CCT4: variants seen among roughly 807,000 people sequenced by gnomAD.
The protein encoded by CCT4 is T-complex protein 1 subunit delta.
A neutral mutation model predicts 62.5 loss-of-function variants in CCT4; 17 were observed. The observed-to-expected ratio is 0.27, with a 90% CI of 0.19 to 0.41. The LOEUF (loss-of-function observed/expected upper bound fraction) is 0.41, where lower values mean the gene tolerates loss of function less well. Ranked by LOEUF, CCT4 falls within the 10% of genes least tolerant of loss-of-function variation. The pLI, the probability that CCT4 is intolerant of heterozygous loss-of-function variation, is 1.00. For missense variants in CCT4, 592 were observed against 659.2 expected, an observed-to-expected ratio of 0.90 and a Z score of 1.12; for synonymous variants, 250 against 229.9, an observed-to-expected ratio of 1.09 and a Z score of -0.79.
chr2:61,869,629 A>G (rs1487546496), intron 12 of CCT4, 76 bp from the exon 13 acceptor site: 6 of 771,700 alleles, frequency 7.8e-6, no homozygotes, highest in Non-Finnish European at 1.4e-5. Context: ...TTACCAGTGT[A>G]CCTCAAGACC....
rs773177932 is a variant in CCT4 at position 61,873,279 on chromosome 2, T to C, written c.932A>G (p.Asp311Gly). The change falls in exon 9 of 14, where the codon GAT becomes GGT. Residue 311 changes from aspartate (D) to glycine (G), a missense_variant. Around this residue, in one of 3 missense-constraint regions of CCT4, gnomAD observed 522 missense variants for 571.2 expected, o/e 0.91. Coordinates refer to ENST00000394440, the MANE Select transcript of CCT4 (RefSeq NM_006430.4). Reference sequence around the variant, plus strand: ...TTTATTCAGAAAGTGTAATGCAAGATCACTAAGAGCATCTCTAAAATACAA... The same window carrying C: ...TTTATTCAGAAAGTGTAATGCAAGACCACTAAGAGCATCTCTAAAATACAA... ...QKSILRDALS[D>G]LALHFLNKMK... 2 of 1,546,742 alleles carry C rather than the reference T, an allele frequency of 1.3e-6. No individual in the cohort carries two copies. Among genetic ancestry groups the C allele is most frequent in the Non-Finnish European group, 1.8e-6 (2 of 1,120,098 alleles).
chr2:61,869,143 GAAAA>G (rs33947847), intron 13 of CCT4, among the ~76,000 whole-genome samples: 42 of 70,712 alleles, frequency 5.9e-4, no homozygotes, highest in African/African-American at 2.2e-3. Context: ...CTTCGTCTCA[GAAAA>G]AAAAAAAAAA....
Position 61,886,455 on chromosome 2 carries a change from A to T in CCT4, c.128-1383T>A, listed in dbSNP as rs188956554. ...ACCTAACAAACCAAACAAAAACCAA[A>T]ACTCTCAAATCATAGCTTTTGGTCA... is the stretch of plus-strand genomic sequence containing the variant. On this transcript the variant is annotated intron_variant, in intron 1 of 13. Transcript: ENST00000394440. Among the ~76,000 whole-genome samples, 785 of 152,142 alleles carry T rather than the reference A, an allele frequency of 5.2e-3. 2 individuals are homozygous for T. The highest frequency in any genetic ancestry group is 6.9e-3 in the Non-Finnish European group (471 of 67,970).
rs115173748 is a variant in CCT4 at position 61,871,410 on chromosome 2, T to C, written c.1491+672A>G. 7.9e-3 allele frequency among the ~76,000 whole-genome samples: 1,199 copies of C among 152,240 alleles called. 11 individuals carry two copies. The highest frequency in any genetic ancestry group is 0.027 in the African/African-American group (1,125 of 41,536). ...TACCACTAATATATAATCCCAGCTCTACACAGGTGAAGAACTGCTTGGTCC... is the reference window on the plus strand; with the variant it reads ...TACCACTAATATATAATCCCAGCTCCACACAGGTGAAGAACTGCTTGGTCC... On this transcript the variant is annotated intron_variant, in intron 12 of 13. Coordinates refer to ENST00000394440, the MANE Select transcript of CCT4 (RefSeq NM_006430.4).
chr2:61,888,487 G>A lies in CCT4; in HGVS notation c.21C>T (p.Pro7=). MPENVA[P]RSGATAGAAG... ...CAGCCCCGGCAGTCGCCCCGCTCCG[G>A]GGTGCCACATTCTCGGGCATGGCAA... Residue 7 remains proline, a synonymous_variant, in exon 1 of 14, where the codon CCC becomes CCT. Transcript: ENST00000394440. 6.2e-7 allele frequency: 1 copy of A among 1,612,138 alleles called. No individual in the cohort carries two copies. Among genetic ancestry groups the A allele is most frequent in the Non-Finnish European group, 8.5e-7 (1 of 1,179,334 alleles).
intron 5 of CCT4, 27 bp downstream of exon 5, chr2:61,878,842 A>G: frequency 1.3e-6 from 2 of 1,556,350 alleles, no homozygotes; most frequent in Non-Finnish European, 1.8e-6. Flanking sequence ...AACTAATTTG[A>G]CAAGTATCCG....
At position 61,872,083 on chromosome 2, in the gene CCT4, T is replaced by G; in HGVS notation, c.1490A>C (p.Lys497Thr). 6.3e-7 allele frequency: 1 copy of G among 1,592,666 alleles called. No individual in the cohort carries two copies. The highest frequency in any genetic ancestry group is 1.3e-5 in the African/African-American group (1 of 74,606). Residue 497 changes from lysine to threonine, a missense_variant and splice_region_variant, in exon 12 of 14, where the codon AAG (lysine) becomes ACG (threonine). By Grantham distance (78) the Lys-to-Thr change is moderately conservative (BLOSUM62 -1). This residue lies in a region of CCT4 where 522 missense variants were observed against 571.2 expected (regional missense o/e 0.91). Transcript: ENST00000394440. ...GEKTAGINVR[K>T]GGISNILEEL... ...CTACATTAGAGATTAAATGATTACC[T>G]TTCGGACATTAATGCCTGCAGTTTT...
chr2:61,888,598 G>T lies in CCT4; in HGVS notation c.-91C>A. On this transcript the variant is annotated 5_prime_UTR_variant, in exon 1 of 14. Transcript: ENST00000394440. ...AGTGTAATAACGGTAAGCCCTCACT[G>T]CCTTCACGAACCTTCCAGAAAGCGG... is the stretch of plus-strand genomic sequence containing the variant. 3 of 1,446,676 alleles carry T rather than the reference G, an allele frequency of 2.1e-6. No individual in the cohort carries two copies. Among genetic ancestry groups the T allele is most frequent in the Non-Finnish European group, 2.8e-6 (3 of 1,079,330 alleles). 89.6% of individuals were successfully genotyped at this position (1,446,676 alleles called of 1,614,324 possible).
chr2:61,886,531 C>T (rs1304220081), intron 1 of CCT4, among the ~76,000 whole-genome samples: 1 of 152,176 alleles, frequency 6.6e-6, no homozygotes, highest in Admixed American at 6.5e-5. Flanking sequence ...TGGCTCACGC[C>T]TGTAATCCCA....
At chr2:61,879,387 G>T (rs891213694) in intron 4 of CCT4, among the ~76,000 whole-genome samples, 10 of 144,550 alleles carry the variant, frequency 6.9e-5, no homozygotes, top group African/African-American at 1.0e-4. Flanking sequence ...TCAGCCTCCT[G>T]AGTAGCTGGG....
intron 4 of CCT4, among the ~76,000 whole-genome samples, chr2:61,879,408 C>T (rs1669065831): frequency 6.7e-6 from 1 of 150,226 alleles, no homozygotes; most frequent in Non-Finnish European, 1.5e-5. Flanking sequence ...ACTACAGACA[C>T]ACGCCACCAC....
chr2:61,883,771 T>TAGAC (rs55889535), intron 2 of CCT4, among the ~76,000 whole-genome samples: 18,601 of 107,386 alleles, frequency 0.17, 1,336 homozygotes, highest in Non-Finnish European at 0.24. Context: ...TGAAGAAATG[T>TAGAC]AGACACACAC....
Position 61,872,602 on chromosome 2 carries a change from A to T in CCT4, c.1126-14T>A. ...ACAGCCTGTAATCTTCAGTAAACAA[A>T]TTCCAAATTAAGTATTTGAAGGGTC... On this transcript the variant is annotated splice_polypyrimidine_tract_variant and intron_variant, in intron 10 of 13. Transcript: ENST00000394440. 6.2e-7 allele frequency: 1 copy of T among 1,613,234 alleles called. No homozygotes were observed. The highest frequency in any genetic ancestry group is 8.5e-7 in the Non-Finnish European group (1 of 1,179,764).
At position 61,884,364 on chromosome 2, in the gene CCT4, C is replaced by T. The variant is rs13432232; in HGVS notation, c.180+656G>A. On this transcript the variant is annotated intron_variant, in intron 2 of 13. Transcript: ENST00000394440. ...CATTGCCCAGGCTGGAGTGCAGCTG[C>T]GCGATCTCGGCTCACTGCAACCTCT... Among the ~76,000 whole-genome samples the T allele has an allele frequency of 9.6e-3, 1,461 of 152,174 alleles. 21 individuals carry two copies. Among genetic ancestry groups the T allele is most frequent in the African/African-American group, 0.033 (1,377 of 41,510 alleles).
intron 4 of CCT4, among the ~76,000 whole-genome samples, chr2:61,879,938 G>C (rs943881062): frequency 7.9e-5 from 12 of 151,908 alleles, no homozygotes; most frequent in Non-Finnish European, 1.6e-4. Context: ...CTGTTGGTCA[G>C]GCTGGTCTTG....
In CCT4 at chr2:61,868,242, C is replaced by A. The variant is rs993829032; in HGVS notation, c.*450G>T. ...TTCATTTTTCATTCTCTTTCTGTACCATTAACTTATTTTTGTTTTAACTGG... is the reference window on the plus strand; with the variant it reads ...TTCATTTTTCATTCTCTTTCTGTACAATTAACTTATTTTTGTTTTAACTGG... On this transcript the variant is annotated 3_prime_UTR_variant, in exon 14 of 14. Coordinates refer to ENST00000394440, the MANE Select transcript of CCT4 (RefSeq NM_006430.4). The A allele has an allele frequency of 2.5e-5, 4 of 157,032 alleles. No homozygotes were observed. Among genetic ancestry groups the A allele is most frequent in the African/African-American group, 7.2e-5 (3 of 41,416 alleles). 9.7% of individuals were successfully genotyped at this position (157,032 alleles called of 1,614,324 possible).
At chr2:61,872,055 T>G (rs779010252) in intron 12 of CCT4, 27 bp downstream of exon 12, 4 of 1,439,942 alleles carry the variant, frequency 2.8e-6, no homozygotes, top group East Asian at 2.3e-5. Flanking sequence ...TAATCAATAT[T>G]TTCTACATTA....
intron 1 of CCT4, among the ~76,000 whole-genome samples, chr2:61,886,753 C>T (rs1016581024): frequency 1.3e-5 from 2 of 151,918 alleles, no homozygotes; most frequent in African/African-American, 4.8e-5. Flanking sequence ...CTCTCTTGGC[C>T]CCCAAATTTA....
At chr2:61,879,936 C>T (rs1047316299) in intron 4 of CCT4, among the ~76,000 whole-genome samples, 4 of 152,018 alleles carry the variant, frequency 2.6e-5, no homozygotes, top group Non-Finnish European at 5.9e-5. Context: ...CACTGTTGGT[C>T]AGGCTGGTCT....
Sources: gnomAD v4.1 joint callset for allele counts (sites outside exome capture counted in the v4.1 genomes callset) on GRCh38, gnomAD v4.1.1 for gene constraint, gnomAD v4.1.1 regional missense constraint, MANE v1.5 for transcripts, NCBI Gene and HGNC (gene_info 2026-07-23, HGNC 2026-07-21) for gene names.